The following ITSN1 variants were observed in gnomAD, a reference collection of about 807,000 sequenced individuals.
The protein encoded by ITSN1 is intersectin-1.
A neutral mutation model predicts 239.8 loss-of-function variants in ITSN1; 58 were observed. The ratio of observed to expected loss-of-function variants is 0.24; its 90% CI spans 0.20 to 0.30. The LOEUF (loss-of-function observed/expected upper bound fraction) is 0.30, where lower values mean the gene tolerates loss of function less well. Among genes scored for constraint, ITSN1 ranks in the 10% least tolerant of loss-of-function variants. The pLI is 1.00. For missense variants in ITSN1, 1,558 were observed against 2,103.3 expected (o/e 0.74, Z 5.07); for synonymous variants, 780 against 770.8 (o/e 1.01, Z -0.20).
At chr21:33,772,529 T>C (rs1340760539) in intron 12 of ITSN1, among the ~76,000 whole-genome samples, 1 of 152,228 alleles carries the variant, frequency 6.6e-6, no homozygotes, top group Non-Finnish European at 1.5e-5. Flanking sequence ...TCCCCATTTC[T>C]TTCTCCCTCC....
chr21:33,776,707 A>G (rs1256632241), intron 14 of ITSN1, among the ~76,000 whole-genome samples: 1 of 152,182 alleles, frequency 6.6e-6, no homozygotes, highest in African/African-American at 2.4e-5. Flanking sequence ...AGTATTTTTT[A>G]CTGTGCATCT....
intron 1 of ITSN1, among the ~76,000 whole-genome samples, chr21:33,710,434 C>T (rs1357723291): frequency 6.6e-6 from 1 of 152,034 alleles, no homozygotes; most frequent in Non-Finnish European, 1.5e-5. Context: ...AATATCTGTT[C>T]ACATGATCAT....
rs765493143 is a variant in ITSN1 at position 33,882,771 on chromosome 21, G to T, written c.4554+316G>T. ...AGATGAGGCAGGTGTGAAAAAGCTC[G>T]GGAGAAGAGGTGCAAAACAGCACCC... On this transcript the variant is annotated intron_variant, in intron 35 of 39. Transcript: ENST00000381318. The surrounding 1 kb of genome is among the most constrained non-coding windows in gnomAD (Gnocchi z 4.5). Among the ~76,000 whole-genome samples, 1 of 152,124 alleles carries T rather than the reference G, an allele frequency of 6.6e-6. No homozygotes were observed. Among genetic ancestry groups the T allele is most frequent in the Non-Finnish European group, 1.5e-5 (1 of 68,012 alleles).
chr21:33,813,998 G>T lies in ITSN1; in HGVS notation c.2653G>T (p.Gly885Cys), dbSNP rs373166988. The change falls in exon 22 of 40, where the codon GGC becomes TGC. Residue 885 changes from glycine to cysteine, a missense_variant. Physicochemically the swap from Gly to Cys is radical, Grantham distance 159. This residue lies in a region of ITSN1 where 982 missense variants were observed against 1,209.9 expected (regional missense o/e 0.81). Coordinates refer to ENST00000381318, the MANE Select transcript of ITSN1 (RefSeq NM_003024.3). ...GCCCTCTCTCACCGTTCCAAGTGCC[G>T]GCCAGTTAAGGCAGAGGTCCGCCTT... ...AQPSLTVPSAGQLRQRSAFTP... is the reference protein window; with the variant it reads ...AQPSLTVPSACQLRQRSAFTP... 1.2e-6 allele frequency: 2 copies of T among 1,614,070 alleles called. No homozygotes were observed. The highest frequency in any genetic ancestry group is 1.7e-6 in the Non-Finnish European group (2 of 1,180,008).
intron 17 of ITSN1, among the ~76,000 whole-genome samples, chr21:33,796,586 G>T (rs773657834): frequency 3.9e-5 from 6 of 152,192 alleles, no homozygotes; most frequent in Non-Finnish European, 7.3e-5. Context: ...GGACCAGGCT[G>T]CCTGGGATTG....
intron 1 of ITSN1, among the ~76,000 whole-genome samples, chr21:33,716,930 C>T (rs556540782): frequency 1.1e-4 from 16 of 147,718 alleles, no homozygotes; most frequent in South Asian, 4.3e-4. Flanking sequence ...AGCAAGACTC[C>T]GTCTCAAAAA....
intron 16 of ITSN1, among the ~76,000 whole-genome samples, chr21:33,784,422 G>A (rs545845922): frequency 6.6e-6 from 1 of 152,176 alleles, no homozygotes; most frequent in South Asian, 2.1e-4. Context: ...AGAATCACTT[G>A]AGTCTGGGAG....
At chr21:33,783,834 GA>G (rs2070404185) in intron 16 of ITSN1, among the ~76,000 whole-genome samples, 1 of 152,056 alleles carries the variant, frequency 6.6e-6, no homozygotes, top group African/African-American at 2.4e-5. Context: ...TCTTTTTCTA[GA>G]AATTTGACTC....
intron 5 of ITSN1, among the ~76,000 whole-genome samples, chr21:33,738,730 G>A (rs1047579911): frequency 5.3e-5 from 8 of 151,964 alleles, no homozygotes; most frequent in African/African-American, 7.3e-5. Flanking sequence ...TACCTTCTCC[G>A]TGCCTTCATT....
intron 28 of ITSN1, among the ~76,000 whole-genome samples, chr21:33,835,728 C>T (rs1054285130): frequency 9.9e-5 from 15 of 152,038 alleles, no homozygotes; most frequent in African/African-American, 2.7e-4. Flanking sequence ...GCCAGGAGTT[C>T]GAGACCAGCC....
chr21:33,792,670 T>G (rs1199059044), intron 16 of ITSN1, among the ~76,000 whole-genome samples: 1 of 152,192 alleles, frequency 6.6e-6, no homozygotes, highest in African/African-American at 2.4e-5. Flanking sequence ...TTTTCTGATC[T>G]CAGCACTTTA....
intron 1 of ITSN1, among the ~76,000 whole-genome samples, chr21:33,673,607 T>C (rs1167751594): frequency 6.6e-6 from 1 of 151,174 alleles, no homozygotes. Flanking sequence ...TTTTCTTATC[T>C]GTAACACGTA....
At chr21:33,764,564 G>A (rs1432021925) in intron 9 of ITSN1, among the ~76,000 whole-genome samples, 3 of 152,144 alleles carry the variant, frequency 2.0e-5, no homozygotes, top group African/African-American at 4.8e-5. Flanking sequence ...GGAATTTTAG[G>A]TAGAGCTGAC....
intron 33 of ITSN1, among the ~76,000 whole-genome samples, chr21:33,868,267 C>A (rs1982030813): frequency 6.6e-6 from 1 of 152,240 alleles, no homozygotes; most frequent in Admixed American, 6.5e-5. Context: ...CAGTGGATCC[C>A]ACACCGGGGC....
At chr21:33,772,399 C>A (rs2069237282) in intron 12 of ITSN1, 76 bp downstream of exon 12, 2 of 1,483,038 alleles carry the variant, frequency 1.3e-6, no homozygotes, top group Admixed American at 4.3e-5. Context: ...GTGATCTATT[C>A]ACGCCATCTT....
At chr21:33,792,149 A>C (rs775387320) in intron 16 of ITSN1, among the ~76,000 whole-genome samples, 1 of 152,158 alleles carries the variant, frequency 6.6e-6, no homozygotes, top group Non-Finnish European at 1.5e-5. Flanking sequence ...CTGCCAGCTC[A>C]TATCAGGGAC....
intron 1 of ITSN1, among the ~76,000 whole-genome samples, chr21:33,712,188 AT>A (rs372298869): frequency 0.013 from 1,887 of 145,940 alleles, 19 homozygotes; most frequent in Middle Eastern, 0.11. Context: ...GTTGATTGCA[AT>A]TTTTTTTTTT....
At chr21:33,733,284 C>T (rs2066302834) in intron 4 of ITSN1, among the ~76,000 whole-genome samples, 1 of 151,960 alleles carries the variant, frequency 6.6e-6, no homozygotes, top group Non-Finnish European at 1.5e-5. Flanking sequence ...TATATTAGTT[C>T]AGTGAGAAGA....
At position 33,772,333 on chromosome 21, in the gene ITSN1, C is replaced by A; in HGVS notation, c.1305+10C>A. 1 of 1,550,964 alleles carries A rather than the reference C, an allele frequency of 6.4e-7. No homozygotes were observed. The highest frequency in any genetic ancestry group is 8.7e-7 in the Non-Finnish European group (1 of 1,146,814). ...AATTGAGAGGCGAGAGGTAAGCAGG[C>A]GAGAGTGGAGCCACCCGGAGTTAGT... On this transcript the variant is annotated intron_variant, in intron 12 of 39. Coordinates refer to ENST00000381318, the MANE Select transcript of ITSN1 (RefSeq NM_003024.3).
Sources: allele counts gnomAD v4.1 joint callset (sites outside exome capture counted in the v4.1 genomes callset), GRCh38; gene constraint gnomAD v4.1.1; regional missense constraint gnomAD v4.1.1; non-coding constraint Gnocchi (gnomAD v3.1); transcripts MANE v1.5; gene names NCBI Gene and HGNC (gene_info 2026-07-23, HGNC 2026-07-21).